Variants in PCDH7 observed in about 807,000 individuals in gnomAD.
PCDH7 encodes the protein protocadherin 7.
Under a neutral mutation model 58.9 loss-of-function variants are expected in PCDH7, and 17 were observed. The observed-to-expected ratio is 0.29, with a 90% CI of 0.20 to 0.43. The LOEUF is 0.43. PCDH7 is among the 20% of genes least tolerant of loss of function. The pLI is 1.00. For missense variants in PCDH7, 1,274 were observed against 1,441.0 expected, an observed-to-expected ratio of 0.88 and a Z score of 1.88; for synonymous variants, 664 against 616.4, an observed-to-expected ratio of 1.08 and a Z score of -1.14.
intron 3 of PCDH7, among the ~76,000 whole-genome samples, chr4:30,976,208 C>T (rs1392299938): frequency 6.6e-6 from 1 of 152,056 alleles, no homozygotes; most frequent in East Asian, 1.9e-4. Context: ...GGCTGCAGTG[C>T]AATGGCGTGA....
intron 3 of PCDH7, among the ~76,000 whole-genome samples, chr4:30,990,074 A>G (rs942125064): frequency 4.6e-5 from 7 of 152,106 alleles, no homozygotes; most frequent in Admixed American, 3.3e-4. Flanking sequence ...ACACTAATAA[A>G]TATTGAGTTC....
chr4:30,884,930 G>A lies in PCDH7; in HGVS notation c.71-35223G>A, dbSNP rs1265150188. 2.0e-5 allele frequency: 3 copies of A among 152,250 alleles called. No individual in the cohort carries two copies. In the East Asian group the frequency reaches 5.8e-4, roughly 29 times the overall value. 9.4% of individuals were successfully genotyped at this position (152,250 alleles called of 1,614,324 possible). A position where few individuals can be genotyped will look rare whatever the true frequency, so the allele number is the denominator to read the frequency against. On this transcript the variant is annotated intron_variant, in intron 1 of 3. Coordinates refer to the PCDH7 transcript ENST00000509759. ...GGTAGGAGTGGAAAGTGATTTTTAT[G>A]GGGGTCTGATGAAACCCTTAAAGGG...
intron 1 of PCDH7, among the ~76,000 whole-genome samples, chr4:30,758,976 C>G (rs1719683322): frequency 7.6e-6 from 1 of 132,406 alleles, no homozygotes; most frequent in Non-Finnish European, 1.5e-5. Context: ...CAGTCTCACT[C>G]TGTCACCCAG....
intron 3 of PCDH7, among the ~76,000 whole-genome samples, chr4:31,063,504 T>C (rs1371907489): frequency 8.6e-5 from 13 of 151,816 alleles, no homozygotes; most frequent in Non-Finnish European, 1.9e-4. Context: ...TTATTATTAT[T>C]ATTATCATTC....
At chr4:30,921,370 T>G (rs1743171779) in intron 2 of PCDH7, among the ~76,000 whole-genome samples, 1 of 152,140 alleles carries the variant, frequency 6.6e-6, no homozygotes, top group South Asian at 2.1e-4. Flanking sequence ...TAACTTTTTG[T>G]TATATATCCG....
chr4:30,942,779 A>G (rs1281080281), intron 2 of PCDH7, among the ~76,000 whole-genome samples: 1 of 152,024 alleles, frequency 6.6e-6, no homozygotes, highest in Non-Finnish European at 1.5e-5. Flanking sequence ...TCATTCATTA[A>G]TTTACTTATT....
chr4:30,889,469 A>G (rs1008863453), intron 1 of PCDH7, among the ~76,000 whole-genome samples: 4 of 152,200 alleles, frequency 2.6e-5, no homozygotes, highest in African/African-American at 9.7e-5. Context: ...AGCATGAGAC[A>G]ATAATATTGC....
chr4:30,966,822 G>A (rs761354858), intron 3 of PCDH7, among the ~76,000 whole-genome samples: 14 of 151,922 alleles, frequency 9.2e-5, no homozygotes, highest in Non-Finnish European at 1.5e-4. Flanking sequence ...TATCAAAATT[G>A]GTTTAAAGGA....
intron 1 of PCDH7, among the ~76,000 whole-genome samples, chr4:30,891,469 G>A (rs969393867): frequency 6.6e-6 from 1 of 151,988 alleles, no homozygotes; most frequent in Non-Finnish European, 1.5e-5. Context: ...GTAGAATAAT[G>A]TCTATAATTA....
At chr4:30,838,857 A>T (rs570030446) in intron 1 of PCDH7, among the ~76,000 whole-genome samples, 1 of 152,092 alleles carries the variant, frequency 6.6e-6, no homozygotes, top group African/African-American at 2.4e-5. Context: ...GTTTCTTAGA[A>T]ATCAACTCAT....
chr4:30,804,520 A>G (rs2109308606), intron 1 of PCDH7, among the ~76,000 whole-genome samples: 1 of 151,536 alleles, frequency 6.6e-6, no homozygotes, highest in African/African-American at 2.4e-5. Flanking sequence ...ACCTGGCAAC[A>G]GAGCAAGACT....
chr4:31,059,433 T>C (rs1385262876), intron 3 of PCDH7, among the ~76,000 whole-genome samples: 2 of 151,972 alleles, frequency 1.3e-5, no homozygotes, highest in African/African-American at 4.8e-5. Flanking sequence ...ATTGAAAGCA[T>C]GACAGTAGAA....
intron 3 of PCDH7, among the ~76,000 whole-genome samples, chr4:30,972,568 A>T (rs1475058732): frequency 6.6e-6 from 1 of 152,186 alleles, no homozygotes; most frequent in African/African-American, 2.4e-5. Flanking sequence ...CCTCTTACAA[A>T]GAGTGAGGTA....
chr4:30,968,216 A>G (rs1180064658), intron 3 of PCDH7, among the ~76,000 whole-genome samples: 1 of 150,068 alleles, frequency 6.7e-6, no homozygotes, highest in Admixed American at 6.7e-5. Context: ...AATTAACCAT[A>G]TGGAGTCCTC....
At chr4:30,967,664 T>A (rs571676552) in intron 3 of PCDH7, among the ~76,000 whole-genome samples, 1 of 152,138 alleles carries the variant, frequency 6.6e-6, no homozygotes, top group Non-Finnish European at 1.5e-5. Context: ...AAATTTATGT[T>A]ACATTCAAAC....
chr4:31,092,876 A>G (rs1713439705), intron 3 of PCDH7, among the ~76,000 whole-genome samples: 1 of 152,030 alleles, frequency 6.6e-6, no homozygotes. Context: ...AATGTGTGGG[A>G]GCAATTTCCA....
chr4:30,914,675 CT>C, intron 1 of PCDH7, among the ~76,000 whole-genome samples: 1 of 152,250 alleles, frequency 6.6e-6, no homozygotes, highest in East Asian at 1.9e-4. Context: ...GGCCATAACT[CT>C]AGTTATATAG....
chr4:30,869,421 C>T (rs146702348), intron 1 of PCDH7, among the ~76,000 whole-genome samples: 209 of 152,152 alleles, frequency 1.4e-3, no homozygotes, highest in African/African-American at 4.2e-3. Context: ...TCTCCTAATG[C>T]TATCCCTTCC....
At chr4:30,737,167 ACTC>A (rs1448484928), downstream of PCDH7, among the ~76,000 whole-genome samples, 1 of 151,706 alleles carries the variant, frequency 6.6e-6, no homozygotes. Context: ...GTCTCTGGAA[ACTC>A]CTCTTCTGTC....
Sources: allele counts gnomAD v4.1 joint callset (sites outside exome capture counted in the v4.1 genomes callset), GRCh38; gene constraint gnomAD v4.1.1; transcripts MANE v1.5; gene names NCBI Gene and HGNC (gene_info 2026-07-23, HGNC 2026-07-21).